TSPAN18: variants seen among roughly 807,000 people sequenced by gnomAD.
TSPAN18 encodes the protein tetraspanin 18, also known as tetraspanin-18.
TSPAN18 carries 14 observed loss-of-function variants against 27.3 expected under a neutral mutation model. The ratio of observed to expected loss-of-function variants is 0.51; its 90% confidence interval spans 0.34 to 0.80. TSPAN18 has a LOEUF of 0.80. Ranked by LOEUF, TSPAN18 falls within the 30% of genes least tolerant of loss-of-function variation. TSPAN18 has a pLI of 0.01. For synonymous variants in TSPAN18, 143 were observed against 136.5 expected (o/e 1.05, Z -0.33); for missense variants, 268 against 323.9 (o/e 0.83, Z 1.32).
chr11:44,919,110 G>T, intron 6 of TSPAN18, 104 bp from the exon 7 acceptor site: 3 of 916,156 alleles, frequency 3.3e-6, no homozygotes, highest in Non-Finnish European at 5.3e-6. Context: ...AGAGCCCCTA[G>T]CTCTCATTCC....
At chr11:44,923,816 C>A (rs996083637) in intron 8 of TSPAN18, among the ~76,000 whole-genome samples, 5 of 152,160 alleles carry the variant, frequency 3.3e-5, no homozygotes, top group Non-Finnish European at 1.5e-5. Context: ...GTGGTGGCAT[C>A]CTGTCCATGC....
At chr11:44,765,016 C>T (rs187945620) in intron 2 of TSPAN18, among the ~76,000 whole-genome samples, 1 of 152,296 alleles carries the variant, frequency 6.6e-6, no homozygotes, top group African/African-American at 2.4e-5. Flanking sequence ...AACAGAAAAG[C>T]CTTGGTCTGT....
intron 1 of TSPAN18, among the ~76,000 whole-genome samples, chr11:44,763,010 A>G (rs1855488855): frequency 6.6e-6 from 1 of 152,184 alleles, no homozygotes; most frequent in South Asian, 2.1e-4. Flanking sequence ...TCCCACAGCC[A>G]AAGTTCTAGT....
At chr11:44,862,067 GT>G (rs1857908199) in intron 3 of TSPAN18, among the ~76,000 whole-genome samples, 1 of 152,020 alleles carries the variant, frequency 6.6e-6, no homozygotes, top group Admixed American at 6.5e-5. Context: ...CCTCTTTAGG[GT>G]TTTTTGCGCT....
intron 2 of TSPAN18, among the ~76,000 whole-genome samples, chr11:44,775,655 C>A (rs952159515): frequency 6.6e-6 from 1 of 152,118 alleles, no homozygotes; most frequent in African/African-American, 2.4e-5. Context: ...CTTTCTCCAG[C>A]GTCCGCCAGC....
rs1590671474 is a variant in TSPAN18, at chr11:44,908,831, A to AAAGAAAGAAGGAAAGAAAGAAAGAAAG, written c.64-873_64-872insAGAAAGAAGGAAAGAAAGAAAGAAAGA. Among the ~76,000 whole-genome samples, 6 of 96,236 alleles carry AAAGAAAGAAGGAAAGAAAGAAAGAAAG rather than the reference A, an allele frequency of 6.2e-5. 1 individual carries two copies. The East Asian group carries it at 1.5e-3, about 25-fold the overall frequency. The allele number at this position is 96,236 out of a possible 152,430, so 63.1% of individuals were successfully genotyped here. A position where few individuals can be genotyped will look rare whatever the true frequency, so the allele number is the denominator to read the frequency against. ...AGAAAGAAAGAAAGAAAGAAAGAAA[A>AAAGAAAGAAGGAAAGAAAGAAAGAAAG]AGAAAAATGGAGCAGATATTTATTG... On this transcript the variant is annotated intron_variant, in intron 4 of 9. Coordinates refer to ENST00000520358, the MANE Select transcript of TSPAN18 (RefSeq NM_130783.5).
chr11:44,906,448 A>G lies in TSPAN18; in HGVS notation c.32A>G (p.Tyr11Cys). 1 of 1,614,184 alleles carries G rather than the reference A, an allele frequency of 6.2e-7. No individual in the cohort carries two copies. The highest frequency in any genetic ancestry group is 8.5e-7 in the Non-Finnish European group (1 of 1,180,010). Residue 11 changes from tyrosine to cysteine, a missense_variant, in exon 4 of 10, where the codon TAT (tyrosine) becomes TGT (cysteine). Physicochemically the swap from Tyr to Cys is radical, Grantham distance 194 (BLOSUM62 -2). Transcript: ENST00000520358. Reference protein sequence around the residue: MEGDCLSCMKYLMFVFNFFIF... With the variant: MEGDCLSCMKCLMFVFNFFIF... ...GGCGACTGTCTGAGCTGCATGAAGT[A>G]TCTGATGTTTGTATTCAATTTCTTC...
intron 1 of TSPAN18, among the ~76,000 whole-genome samples, chr11:44,728,495 C>T (rs895393662): frequency 6.6e-6 from 1 of 152,028 alleles, no homozygotes; most frequent in African/African-American, 2.4e-5. Context: ...GGGGTATCCT[C>T]TCTCTGGGCA....
intron 2 of TSPAN18, among the ~76,000 whole-genome samples, chr11:44,801,600 C>T (rs1856481219): frequency 6.6e-6 from 1 of 152,160 alleles, no homozygotes; most frequent in Non-Finnish European, 1.5e-5. Context: ...GTTAGCAGTG[C>T]CTCAGGGTGG....
At chr11:44,818,738 A>G (rs1366091709) in intron 2 of TSPAN18, among the ~76,000 whole-genome samples, 1 of 152,222 alleles carries the variant, frequency 6.6e-6, no homozygotes, top group Non-Finnish European at 1.5e-5. Context: ...CTCATGTGCC[A>G]GGCCCTACAT....
intron 3 of TSPAN18, chr11:44,903,924 A>G: frequency 2.2e-6 from 1 of 454,308 alleles, no homozygotes; most frequent in South Asian, 1.6e-5. Flanking sequence ...TATTAATCTC[A>G]TGGGTTGTTA....
chr11:44,760,654 A>T (rs962226327), intron 1 of TSPAN18, among the ~76,000 whole-genome samples: 3 of 152,142 alleles, frequency 2.0e-5, no homozygotes, highest in Admixed American at 6.6e-5. Context: ...GTAAATTGAG[A>T]GCTCCACCCC....
At chr11:44,818,217 C>T (rs576603101) in intron 2 of TSPAN18, among the ~76,000 whole-genome samples, 1 of 152,324 alleles carries the variant, frequency 6.6e-6, no homozygotes, top group Admixed American at 6.5e-5. Context: ...TTGGCTGGTG[C>T]AGAACTGACG....
rs1191120332 is a variant in TSPAN18 at position 44,931,266 on chromosome 11, C to T, written c.*2088C>T. On this transcript the variant is annotated 3_prime_UTR_variant, in exon 10 of 10. Transcript: ENST00000520358. ...CCTGGGGGCTGCCCCTCTTGAACCACCCACATGCTTAGCCCCAGCTTTTTG... is the reference window on the plus strand; with the variant it reads ...CCTGGGGGCTGCCCCTCTTGAACCATCCACATGCTTAGCCCCAGCTTTTTG... 1 of 257,594 alleles carries T rather than the reference C, an allele frequency of 3.9e-6. No homozygotes were observed. Among genetic ancestry groups the T allele is most frequent in the African/African-American group, 2.3e-5 (1 of 44,352 alleles). 16.0% of individuals were successfully genotyped at this position (257,594 alleles called of 1,614,324 possible).
intron 3 of TSPAN18, among the ~76,000 whole-genome samples, chr11:44,882,215 ATCCATGTGGT>A (rs1858507069): frequency 6.6e-6 from 1 of 152,126 alleles, no homozygotes; most frequent in Non-Finnish European, 1.5e-5. Context: ...GAAGCGCAGC[ATCCATGTGGT>A]CCCTGGGAAA....
At chr11:44,818,573 C>A (rs1856860194) in intron 2 of TSPAN18, among the ~76,000 whole-genome samples, 1 of 152,196 alleles carries the variant, frequency 6.6e-6, no homozygotes, top group South Asian at 2.1e-4. Context: ...GCCCACTTCA[C>A]TCCGGGAAGA....
At chr11:44,777,751 C>A (rs922578866) in intron 2 of TSPAN18, among the ~76,000 whole-genome samples, 5 of 152,200 alleles carry the variant, frequency 3.3e-5, no homozygotes, top group East Asian at 3.8e-4. Flanking sequence ...CCACCTCCCC[C>A]CCTTTTCTTT....
chr11:44,803,198 A>G (rs924414617), intron 2 of TSPAN18, among the ~76,000 whole-genome samples: 1 of 152,228 alleles, frequency 6.6e-6, no homozygotes, highest in Non-Finnish European at 1.5e-5. Flanking sequence ...ACACAGGCAG[A>G]TAAGGCTTTT....
At chr11:44,926,104 T>G (rs973838328) in intron 8 of TSPAN18, among the ~76,000 whole-genome samples, 1 of 152,180 alleles carries the variant, frequency 6.6e-6, no homozygotes, top group Non-Finnish European at 1.5e-5. Context: ...GGAGGTGGCA[T>G]GCGAGCAGGG....
Sources: allele counts gnomAD v4.1 joint callset (sites outside exome capture counted in the v4.1 genomes callset), GRCh38; gene constraint gnomAD v4.1.1; transcripts MANE v1.5; gene names NCBI Gene and HGNC (gene_info 2026-07-23, HGNC 2026-07-21).